CNTNAP4: variants seen among roughly 807,000 people sequenced by gnomAD.
The protein encoded by CNTNAP4 is contactin-associated protein-like 4.
Under a neutral mutation model 148.4 loss-of-function variants are expected in CNTNAP4, and 98 were observed. The observed-to-expected ratio is 0.66, with a 90% CI of 0.56 to 0.78. The LOEUF is 0.78. Ranked by LOEUF, CNTNAP4 falls within the 30% of genes least tolerant of loss-of-function variation. The pLI, the probability that CNTNAP4 is intolerant of heterozygous loss-of-function variation, is 0.00. For synonymous variants in CNTNAP4, 730 were observed against 565.1 expected (o/e 1.29, Z -4.14); for missense variants, 1,935 against 1,565.6 (o/e 1.24, Z -3.98).
In CNTNAP4 at chr16:76,538,413, G is replaced by T. The variant is rs767960610; in HGVS notation, c.3220+73G>T. 1.4e-4 allele frequency: 156 copies of T among 1,153,002 alleles called. 1 individual carries two copies. The highest frequency in any genetic ancestry group is 9.4e-4 in the Admixed American group (41 of 43,412). 71.4% of individuals were successfully genotyped at this position (1,153,002 alleles called of 1,614,324 possible). A position where few individuals can be genotyped will look rare whatever the true frequency, so the allele number is the denominator to read the frequency against. ...CTCTGTAATAATATGGATCATTCTC[G>T]TGTTCTGGCTTCTCAAGCTACAAAC... On this transcript the variant is annotated intron_variant, in intron 19 of 23. Transcript: ENST00000611870.
intron 9 of CNTNAP4, among the ~76,000 whole-genome samples, chr16:76,464,929 A>G (rs2081123100): frequency 6.6e-6 from 1 of 152,186 alleles, no homozygotes; most frequent in Non-Finnish European, 1.5e-5. Context: ...TAGATTGAGA[A>G]TGGCTGGGTG....
chr16:76,422,349 T>G (rs1342453851), intron 3 of CNTNAP4, among the ~76,000 whole-genome samples: 1 of 100,304 alleles, frequency 1.0e-5, no homozygotes, highest in Non-Finnish European at 2.1e-5. Context: ...TTATTGATTA[T>G]TCAATGTTTA....
intron 3 of CNTNAP4, among the ~76,000 whole-genome samples, chr16:76,363,160 C>CTTTTT (rs34005199): frequency 7.3e-6 from 1 of 137,478 alleles, no homozygotes; most frequent in Non-Finnish European, 1.6e-5. Flanking sequence ...AAACCCTTAT[C>CTTTTT]TTTTTTTTTT....
chr16:76,521,907 A>G (rs1215371327), intron 16 of CNTNAP4, 132 bp from the exon 17 acceptor site: 7 of 812,338 alleles, frequency 8.6e-6, no homozygotes, highest in East Asian at 2.5e-5. Context: ...AAACAATAGC[A>G]TTGAAACCAT....
At chr16:76,506,476 C>CTTT (rs1237064108) in intron 15 of CNTNAP4, among the ~76,000 whole-genome samples, 2 of 43,204 alleles carry the variant, frequency 4.6e-5, no homozygotes, top group Non-Finnish European at 1.9e-4. Context: ...TCTTCCGTTC[C>CTTT]TTTTTTTTTT....
At chr16:76,361,504 G>A (rs567579962) in intron 3 of CNTNAP4, among the ~76,000 whole-genome samples, 2 of 152,076 alleles carry the variant, frequency 1.3e-5, no homozygotes, top group South Asian at 4.2e-4. Context: ...TTTTTTTTAA[G>A]GCTGAGGAAC....
intron 4 of CNTNAP4, among the ~76,000 whole-genome samples, chr16:76,430,291 A>G (rs1240495133): frequency 2.0e-5 from 3 of 152,184 alleles, no homozygotes; most frequent in East Asian, 1.9e-4. Context: ...TTCATGCAGG[A>G]GTCAGAGGAG....
At chr16:76,357,184 C>G (rs141477467) in intron 3 of CNTNAP4, among the ~76,000 whole-genome samples, 6 of 152,144 alleles carry the variant, frequency 3.9e-5, no homozygotes, top group Admixed American at 2.0e-4. Context: ...ACAATAAAAA[C>G]TTAATGAGAT....
chr16:76,504,634 G>A (rs1308017614), intron 15 of CNTNAP4, among the ~76,000 whole-genome samples: 1 of 152,050 alleles, frequency 6.6e-6, no homozygotes, highest in African/African-American at 2.4e-5. Flanking sequence ...TCACTAAAAA[G>A]CTTCTGCCTT....
At chr16:76,342,674 G>T (rs967494545) in intron 2 of CNTNAP4, among the ~76,000 whole-genome samples, 1 of 151,694 alleles carries the variant, frequency 6.6e-6, no homozygotes, top group Admixed American at 6.6e-5. Flanking sequence ...GGGTTTCACC[G>T]TATTAGCCAG....
At chr16:76,451,192 C>T (rs1229500801) in intron 7 of CNTNAP4, among the ~76,000 whole-genome samples, 1 of 152,160 alleles carries the variant, frequency 6.6e-6, no homozygotes, top group Admixed American at 6.5e-5. Flanking sequence ...CCTCATCGCA[C>T]ATGATTAGAA....
rs766191257 is a variant in CNTNAP4 at position 76,448,204 on chromosome 16, T to G, written c.731T>G (p.Leu244Arg). The change falls in exon 5 of 24, where the codon CTT becomes CGT. Residue 244 changes from leucine (L) to arginine (R), a missense_variant. Leu to Arg is a moderately radical substitution (Grantham distance 102). Transcript: ENST00000611870. Reference sequence around the variant, plus strand: ...TTAAGAAGAGCAAGACTCTTTTTACTTATTAATTCAGGTAAAACTATTCGG... The same window carrying G: ...TTAAGAAGAGCAAGACTCTTTTTACGTATTAATTCAGGTAAAACTATTCGG... Reference protein sequence around the residue: ...LQLRRARLFLLINSGEAKLPS... With the variant: ...LQLRRARLFLRINSGEAKLPS... 5.6e-6 allele frequency: 9 copies of G among 1,608,422 alleles called. No homozygotes were observed. Among genetic ancestry groups the G allele is most frequent in the Non-Finnish European group, 6.8e-6 (8 of 1,176,348 alleles).
At chr16:76,310,362 A>G (rs1333406199) in intron 1 of CNTNAP4, among the ~76,000 whole-genome samples, 2 of 152,204 alleles carry the variant, frequency 1.3e-5, no homozygotes, top group Non-Finnish European at 2.9e-5. Flanking sequence ...ATATGCAAAC[A>G]TAATTCCATA....
chr16:76,546,896 A>T lies in CNTNAP4; in HGVS notation c.3442+6106A>T, dbSNP rs1011012180. ...GTACAATTTAATATTATTACATAAA[A>T]ATTATCCCCCTTGCTTGATATCTGC... On this transcript the variant is annotated intron_variant, in intron 21 of 23. Transcript: ENST00000611870. 2.6e-4 allele frequency among the ~76,000 whole-genome samples: 39 copies of T among 152,326 alleles called. No homozygotes were observed. In the Middle Eastern group the frequency reaches 0.01, roughly 40 times the overall value.
intron 12 of CNTNAP4, among the ~76,000 whole-genome samples, chr16:76,487,575 C>T (rs997342313): frequency 6.6e-6 from 1 of 152,136 alleles, no homozygotes; most frequent in Non-Finnish European, 1.5e-5. Context: ...ATTAATGAAG[C>T]ACATGAGGTT....
chr16:76,450,728 C>G (rs1567118), intron 7 of CNTNAP4, among the ~76,000 whole-genome samples: 17,813 of 152,128 alleles, frequency 0.12, 2,021 homozygotes, highest in African/African-American at 0.3. Flanking sequence ...CAATGTTGGT[C>G]AGACTGCATT....
chr16:76,527,301 G>A (rs1018553873), intron 17 of CNTNAP4, among the ~76,000 whole-genome samples: 5 of 152,156 alleles, frequency 3.3e-5, no homozygotes, highest in African/African-American at 1.2e-4. Context: ...CCTGAAATAT[G>A]TTAGGGTTAA....
chr16:76,370,871 A>T (rs183303131), intron 3 of CNTNAP4, among the ~76,000 whole-genome samples: 1 of 152,284 alleles, frequency 6.6e-6, no homozygotes, highest in East Asian at 1.9e-4. Context: ...GATTTAAGAT[A>T]AGTTTCCCCC....
rs534813585 is a variant in CNTNAP4, at chr16:76,414,632, C to G, written c.391-12820C>G. On this transcript the variant is annotated intron_variant, in intron 3 of 23. Transcript: ENST00000611870. ...TTGTCCTTAAATGTTTAGAAGAATT[C>G]ACTAGGAAAGACATCGAGGCCTGCA... 2.0e-5 allele frequency among the ~76,000 whole-genome samples: 3 copies of G among 151,344 alleles called. No homozygotes were observed. The East Asian group carries it at 5.8e-4, about 29-fold the overall frequency.
Sources: gnomAD v4.1 joint callset for allele counts (sites outside exome capture counted in the v4.1 genomes callset) on GRCh38, gnomAD v4.1.1 for gene constraint, MANE v1.5 for transcripts, NCBI Gene and HGNC (gene_info 2026-07-23, HGNC 2026-07-21) for gene names.